HPSE2: variants seen among roughly 807,000 people sequenced by gnomAD.
The protein encoded by HPSE2 is heparanase 2 (inactive).
In HPSE2, 38 loss-of-function variants were observed where a neutral mutation model predicts 60.5. The observed-to-expected ratio is 0.63, with a 90% CI of 0.48 to 0.82. The LOEUF (loss-of-function observed/expected upper bound fraction) is 0.82, where lower values mean the gene tolerates loss of function less well. Ranked by LOEUF, HPSE2 falls within the 40% of genes least tolerant of loss-of-function variation. HPSE2 has a pLI of 0.00. For missense variants in HPSE2, 713 were observed against 740.4 expected (o/e 0.96, Z 0.43); for synonymous variants, 295 against 293.2 (o/e 1.01, Z -0.06).
At chr10:99,067,575 A>G (rs761598482) in intron 3 of HPSE2, among the ~76,000 whole-genome samples, 9 of 152,200 alleles carry the variant, frequency 5.9e-5, no homozygotes, top group African/African-American at 9.6e-5. Flanking sequence ...CCTCTGAAGT[A>G]ATAGTCTGAG....
intron 9 of HPSE2, among the ~76,000 whole-genome samples, chr10:98,550,170 C>T (rs1407911621): frequency 1.3e-5 from 2 of 152,196 alleles, no homozygotes; most frequent in African/African-American, 4.8e-5. Context: ...TTTAAAATGC[C>T]ACCTTACAGC....
At position 99,229,153 on chromosome 10, in the gene HPSE2, A is replaced by G. The variant is rs576943187; in HGVS notation, c.448+3195T>C. 2.0e-5 allele frequency among the ~76,000 whole-genome samples: 3 copies of G among 152,066 alleles called. No homozygotes were observed. The East Asian group carries it at 5.8e-4, about 29-fold the overall frequency. ...AATGCCACTGCCCTCTAGCCTGGGC[A>G]AAAGAGGAGACTCCATATCGAAAAA... On this transcript the variant is annotated intron_variant, in intron 2 of 11. Coordinates refer to ENST00000370552, the MANE Select transcript of HPSE2 (RefSeq NM_021828.5).
intron 3 of HPSE2, among the ~76,000 whole-genome samples, chr10:99,136,828 C>T (rs1057461303): frequency 5.9e-5 from 9 of 152,046 alleles, no homozygotes; most frequent in African/African-American, 9.7e-5. Flanking sequence ...TGAAAACCAG[C>T]GAAAGACAAG....
At chr10:99,134,069 T>C (rs1364281152) in intron 3 of HPSE2, among the ~76,000 whole-genome samples, 1 of 152,102 alleles carries the variant, frequency 6.6e-6, no homozygotes, top group African/African-American at 2.4e-5. Flanking sequence ...AAGAACTTCG[T>C]GAAGCATACA....
At chr10:98,653,518 T>A (rs1946976098) in intron 6 of HPSE2, among the ~76,000 whole-genome samples, 2 of 152,132 alleles carry the variant, frequency 1.3e-5, no homozygotes, top group South Asian at 2.1e-4. Flanking sequence ...TATTTCTTTC[T>A]AAAACATTTT....
At chr10:99,274,763 T>C in the HPSE2 span, among the ~76,000 whole-genome samples, 1 of 152,218 alleles carries the variant, frequency 6.6e-6, no homozygotes, top group Non-Finnish European at 1.5e-5. Flanking sequence ...CTAACAAGGA[T>C]GGTACTGCAG....
intron 9 of HPSE2, 87 bp downstream of exon 9, chr10:98,614,817 A>G: frequency 1.1e-6 from 1 of 932,060 alleles, no homozygotes. Context: ...AGCAAGAGGA[A>G]AAATATTCTC....
intron 2 of HPSE2, among the ~76,000 whole-genome samples, chr10:99,149,923 A>G (rs1322992087): frequency 1.3e-5 from 2 of 151,770 alleles, no homozygotes; most frequent in African/African-American, 4.8e-5. Context: ...TGATCTCTAA[A>G]CCTCTTCATT....
chr10:98,949,987 A>G (rs1056519493), intron 3 of HPSE2, among the ~76,000 whole-genome samples: 1 of 152,198 alleles, frequency 6.6e-6, no homozygotes, highest in Non-Finnish European at 1.5e-5. Context: ...TTAAGTTAGG[A>G]AACAAAACTC....
At chr10:99,155,750 A>G (rs1247011818) in intron 2 of HPSE2, among the ~76,000 whole-genome samples, 22 of 149,602 alleles carry the variant, frequency 1.5e-4, no homozygotes, top group African/African-American at 4.9e-4. Flanking sequence ...AAATAACTAA[A>G]ATCAGAGCAG....
chr10:98,541,493 C>T (rs1368563887), intron 9 of HPSE2, among the ~76,000 whole-genome samples: 7 of 152,228 alleles, frequency 4.6e-5, no homozygotes, highest in African/African-American at 1.2e-4. Flanking sequence ...GCACACCGTG[C>T]GCGAGCCGAA....
At chr10:98,825,899 G>C (rs1365397027) in intron 3 of HPSE2, among the ~76,000 whole-genome samples, 1 of 152,148 alleles carries the variant, frequency 6.6e-6, no homozygotes, top group Non-Finnish European at 1.5e-5. Context: ...ACTATGAGAG[G>C]AGAAAGATGG....
intron 2 of HPSE2, among the ~76,000 whole-genome samples, chr10:99,213,340 TTCA>T (rs1849012229): frequency 2.0e-5 from 3 of 152,138 alleles, no homozygotes; most frequent in African/African-American, 4.8e-5. Context: ...GATGATTTGC[TTCA>T]TAAACAATCT....
intron 2 of HPSE2, among the ~76,000 whole-genome samples, chr10:99,231,851 C>G (rs557914882): frequency 6.6e-6 from 1 of 152,188 alleles, no homozygotes; most frequent in Non-Finnish European, 1.5e-5. Flanking sequence ...CTTCTGTACC[C>G]TAATCACAGG....
intron 6 of HPSE2, among the ~76,000 whole-genome samples, chr10:98,648,094 C>T (rs768573064): frequency 4.6e-5 from 7 of 152,140 alleles, no homozygotes; most frequent in Admixed American, 6.5e-5. Flanking sequence ...ATGAGCCAAC[C>T]GAGGCTCAAG....
chr10:98,648,124 T>C (rs930875662), intron 6 of HPSE2, among the ~76,000 whole-genome samples: 4 of 152,184 alleles, frequency 2.6e-5, no homozygotes, highest in African/African-American at 9.7e-5. Context: ...AAGGGCTCCA[T>C]TTTCTGCATC....
intron 3 of HPSE2, among the ~76,000 whole-genome samples, chr10:99,109,756 A>G (rs1232825937): frequency 6.6e-6 from 1 of 152,192 alleles, no homozygotes; most frequent in Non-Finnish European, 1.5e-5. Flanking sequence ...TTTTCCATAC[A>G]CTAGGTTGGG....
chr10:98,492,556 G>C (rs1941693809), intron 9 of HPSE2, among the ~76,000 whole-genome samples: 1 of 150,496 alleles, frequency 6.6e-6, no homozygotes, highest in Non-Finnish European at 1.5e-5. Context: ...TGTTTATTAC[G>C]TTTAATTCTC....
At chr10:98,691,150 T>C (rs1948067960) in intron 6 of HPSE2, among the ~76,000 whole-genome samples, 1 of 152,230 alleles carries the variant, frequency 6.6e-6, no homozygotes, top group South Asian at 2.1e-4. Context: ...CATGAAGTCC[T>C]CCTGGCCAGA....
Sources: gnomAD v4.1 joint callset for allele counts (sites outside exome capture counted in the v4.1 genomes callset) on GRCh38, gnomAD v4.1.1 for gene constraint, MANE v1.5 for transcripts, NCBI Gene and HGNC (gene_info 2026-07-23, HGNC 2026-07-21) for gene names.